Variants in PTPRN2 observed in about 807,000 individuals in gnomAD.
PTPRN2 encodes receptor-type tyrosine-protein phosphatase N2.
A neutral mutation model predicts 118.8 loss-of-function variants in PTPRN2; 74 were observed. The observed-to-expected ratio is 0.62, with a 90% confidence interval of 0.52 to 0.76. The LOEUF (loss-of-function observed/expected upper bound fraction) is 0.76, where lower values mean the gene tolerates loss of function less well. Among genes scored for constraint, PTPRN2 ranks in the 30% least tolerant of loss-of-function variants. PTPRN2 has a pLI of 0.00. For missense variants in PTPRN2, 1,481 were observed against 1,394.4 expected, an observed-to-expected ratio of 1.06 and a Z score of -0.99; for synonymous variants, 641 against 608.0, an observed-to-expected ratio of 1.05 and a Z score of -0.80.
intron 14 of PTPRN2, among the ~76,000 whole-genome samples, chr7:157,645,396 T>C (rs966911882): frequency 6.6e-6 from 1 of 152,180 alleles, no homozygotes; most frequent in African/African-American, 2.4e-5. Context: ...AGAGGTACCA[T>C]GTCTATGGCA....
intron 12 of PTPRN2, among the ~76,000 whole-genome samples, chr7:157,811,082 T>G (rs1316521505): frequency 6.6e-6 from 1 of 151,798 alleles, no homozygotes; most frequent in Admixed American, 6.6e-5. Flanking sequence ...CCATCCTGGC[T>G]AACACAGTGA....
rs956516653 is a variant in PTPRN2, at chr7:157,590,455, A to AT, written c.2496+4782dup. Among the ~76,000 whole-genome samples, 2 of 152,212 alleles carry AT rather than the reference A, an allele frequency of 1.3e-5. No homozygotes were observed. The highest frequency in any genetic ancestry group is 4.8e-5 in the African/African-American group (2 of 41,458). The stretch of plus-strand genomic sequence containing the variant: ...ACATCTTCCTTTAGGTAATGAATTT[A>AT]TTTTTAGGAATTTCTTGATGTAAGT... On this transcript the variant is annotated intron_variant, in intron 17 of 22. Coordinates refer to ENST00000389418, the MANE Select transcript of PTPRN2 (RefSeq NM_002847.5). The surrounding 1 kb of genome is among the most constrained non-coding windows in gnomAD (Gnocchi z 4.0).
chr7:157,973,634 T>C (rs1802508777), intron 11 of PTPRN2, among the ~76,000 whole-genome samples: 1 of 152,224 alleles, frequency 6.6e-6, no homozygotes. Flanking sequence ...ATGGCCTCAC[T>C]GGATTAGATG....
intron 2 of PTPRN2, among the ~76,000 whole-genome samples, chr7:158,331,808 C>T (rs1465353229): frequency 1.5e-4 from 23 of 150,734 alleles, no homozygotes; most frequent in African/African-American, 5.0e-4. Flanking sequence ...CACACCCACA[C>T]TGTCACCCTA....
At chr7:157,825,638 G>A (rs1353383882) in intron 12 of PTPRN2, among the ~76,000 whole-genome samples, 1 of 152,216 alleles carries the variant, frequency 6.6e-6, no homozygotes, top group East Asian at 1.9e-4. Flanking sequence ...GAGCTCTGCT[G>A]CCTGGACCAC....
At chr7:157,684,379 G>A (rs1797061061) in intron 12 of PTPRN2, among the ~76,000 whole-genome samples, 2 of 149,542 alleles carry the variant, frequency 1.3e-5, no homozygotes, top group South Asian at 4.3e-4. Context: ...GGGAAGGAAA[G>A]GGGGAGGGAG....
intron 9 of PTPRN2, among the ~76,000 whole-genome samples, chr7:158,116,578 T>C (rs1388836834): frequency 6.6e-6 from 1 of 152,222 alleles, no homozygotes; most frequent in Non-Finnish European, 1.5e-5. Flanking sequence ...CCTCCAAATA[T>C]TGGGAATCTG....
At chr7:158,561,816 C>T (rs1311679620) in intron 1 of PTPRN2, among the ~76,000 whole-genome samples, 1 of 152,170 alleles carries the variant, frequency 6.6e-6, no homozygotes, top group Non-Finnish European at 1.5e-5. Flanking sequence ...TAGGGGGGAC[C>T]GTGCCACCCC....
rs1425727084 is a variant in PTPRN2 at position 157,571,470 on chromosome 7, C to G, written c.2807G>C (p.Gly936Ala). ...ATGAACAATTATTGGACAAGAACGGCCCCTGTAGCACTTGTTTACTTTTCT... is the reference window on the plus strand; with the variant it reads ...ATGAACAATTATTGGACAAGAACGGGCCCTGTAGCACTTGTTTACTTTTCT... Reference protein sequence around the residue: ...FRRKVNKCYRGRSCPIIVHCS... With the variant: ...FRRKVNKCYRARSCPIIVHCS... Residue 936 changes from glycine (G) to alanine (A), a missense_variant, in exon 20 of 23, where the codon GGC becomes GCC. Gly to Ala is a moderately conservative substitution (Grantham distance 60). Around this residue, in one of 3 missense-constraint regions of PTPRN2, gnomAD observed 362 missense variants for 384.1 expected, o/e 0.94. Coordinates refer to ENST00000389418, the MANE Select transcript of PTPRN2 (RefSeq NM_002847.5). 81 of 1,610,176 alleles carry G rather than the reference C, an allele frequency of 5.0e-5. No homozygotes were observed. The highest frequency in any genetic ancestry group is 6.5e-5 in the Non-Finnish European group (76 of 1,178,002).
At chr7:158,235,340 ACCTAAGTG>A (rs775887889) in intron 3 of PTPRN2, among the ~76,000 whole-genome samples, 8 of 152,218 alleles carry the variant, frequency 5.3e-5, no homozygotes, top group Non-Finnish European at 1.0e-4. Context: ...TATGGAGTCG[ACCTAAGTG>A]TCCATCAATG....
At chr7:157,857,158 G>A (rs1200985659) in intron 12 of PTPRN2, 2 of 148,946 alleles carry the variant, frequency 1.3e-5, no homozygotes, top group Non-Finnish European at 3.0e-5. Context: ...GCTGGATGGG[G>A]AGGGAGGGGG....
At chr7:157,948,655 C>A (rs539066932) in intron 11 of PTPRN2, among the ~76,000 whole-genome samples, 40 of 152,288 alleles carry the variant, frequency 2.6e-4, no homozygotes, top group African/African-American at 8.7e-4. Context: ...AAAAGAGAGA[C>A]TGACAGAATA....
At chr7:157,641,175 T>C (rs1324197845) in intron 14 of PTPRN2, among the ~76,000 whole-genome samples, 1 of 152,188 alleles carries the variant, frequency 6.6e-6, no homozygotes, top group East Asian at 1.9e-4. Flanking sequence ...CTCCAGATAT[T>C]GTTAAGCCAA....
chr7:157,806,340 GTA>G (rs1386670044), intron 12 of PTPRN2, among the ~76,000 whole-genome samples: 1 of 152,100 alleles, frequency 6.6e-6, no homozygotes, highest in Admixed American at 6.5e-5. Context: ...GTAGGTGCAT[GTA>G]TATATGTGTA....
intron 1 of PTPRN2, among the ~76,000 whole-genome samples, chr7:158,492,440 G>A (rs546401824): frequency 3.3e-5 from 5 of 152,328 alleles, no homozygotes; most frequent in South Asian, 2.1e-4. Flanking sequence ...TGCCTTAATC[G>A]TGGCTGACAG....
At chr7:158,288,127 G>C (rs1310537657) in intron 3 of PTPRN2, among the ~76,000 whole-genome samples, 1 of 151,802 alleles carries the variant, frequency 6.6e-6, no homozygotes, top group Non-Finnish European at 1.5e-5. Context: ...ACTCTCTTTT[G>C]GTCTTCATTT....
chr7:158,388,467 A>G (rs1811674946), intron 2 of PTPRN2, among the ~76,000 whole-genome samples: 2 of 152,052 alleles, frequency 1.3e-5, no homozygotes, highest in Non-Finnish European at 2.9e-5. Flanking sequence ...ACTCACCATC[A>G]CTAGCTCTTA....
chr7:158,336,326 G>A lies in PTPRN2; in HGVS notation c.164-19394C>T, dbSNP rs375999771. ...CACACCCACACTCTCACCATAAGAG[G>A]TGACACCTGCAGACGTCACTCACAC... On this transcript the variant is annotated intron_variant, in intron 2 of 22. Transcript: ENST00000389418. Among the ~76,000 whole-genome samples the A allele has an allele frequency of 2.2e-3, 255 of 113,960 alleles. 4 individuals are homozygous for A. The highest frequency in any genetic ancestry group is 8.9e-3 in the African/African-American group (245 of 27,522). 74.8% of individuals were successfully genotyped at this position (113,960 alleles called of 152,430 possible). A position where few individuals can be genotyped will look rare whatever the true frequency, so the allele number is the denominator to read the frequency against.
chr7:158,307,042 T>C (rs902574649), intron 3 of PTPRN2, among the ~76,000 whole-genome samples: 3 of 152,092 alleles, frequency 2.0e-5, no homozygotes, highest in African/African-American at 7.2e-5. Flanking sequence ...AATTTTTGTA[T>C]TTTTAGTAGA....
Sources: gnomAD v4.1 joint callset for allele counts (sites outside exome capture counted in the v4.1 genomes callset) on GRCh38, gnomAD v4.1.1 for gene constraint, gnomAD v4.1.1 regional missense constraint, Gnocchi (gnomAD v3.1) non-coding constraint, MANE v1.5 for transcripts, NCBI Gene and HGNC (gene_info 2026-07-23, HGNC 2026-07-21) for gene names.